CNTN1: variants seen among roughly 807,000 people sequenced by gnomAD.
CNTN1 encodes contactin-1.
A neutral mutation model predicts 126.4 loss-of-function variants in CNTN1; 38 were observed. The observed-to-expected ratio is 0.30, with a 90% CI of 0.23 to 0.39. CNTN1 has a LOEUF of 0.39. Ranked by LOEUF, CNTN1 falls within the 10% of genes least tolerant of loss-of-function variation. CNTN1 has a pLI of 1.00. For missense variants in CNTN1, 1,009 were observed against 1,248.4 expected (o/e 0.81, Z 2.89); for synonymous variants, 413 against 422.6 (o/e 0.98, Z 0.28).
At chr12:40,996,233 G>C (rs910856472) in intron 17 of CNTN1, among the ~76,000 whole-genome samples, 2 of 151,682 alleles carry the variant, frequency 1.3e-5, no homozygotes, top group South Asian at 4.2e-4. Context: ...CAGGTCTCAA[G>C]CTACCCTACT....
At chr12:40,741,362 G>A (rs1470351186) in intron 1 of CNTN1, among the ~76,000 whole-genome samples, 1 of 151,892 alleles carries the variant, frequency 6.6e-6, no homozygotes, top group African/African-American at 2.4e-5. Flanking sequence ...TTACAATGGT[G>A]GTTCCAAGAA....
intron 1 of CNTN1, among the ~76,000 whole-genome samples, chr12:40,698,262 G>T (rs10879019): frequency 7.9e-6 from 1 of 127,156 alleles, no homozygotes; most frequent in Non-Finnish European, 1.6e-5. Flanking sequence ...TTTTTACGGA[G>T]TCTCGCTCTG....
At chr12:40,766,095 C>G (rs777651777) in intron 1 of CNTN1, among the ~76,000 whole-genome samples, 1 of 152,076 alleles carries the variant, frequency 6.6e-6, no homozygotes, top group Non-Finnish European at 1.5e-5. Context: ...CGGTGGCTCA[C>G]GCCTGTAGTC....
chr12:40,700,400 C>T (rs1941564975), intron 1 of CNTN1, among the ~76,000 whole-genome samples: 2 of 151,972 alleles, frequency 1.3e-5, no homozygotes, highest in African/African-American at 4.8e-5. Context: ...GTGGCACATG[C>T]CTATAATCCC....
chr12:40,717,128 A>G (rs978057031), intron 1 of CNTN1, among the ~76,000 whole-genome samples: 7 of 152,178 alleles, frequency 4.6e-5, no homozygotes, highest in Non-Finnish European at 1.0e-4. Flanking sequence ...TAACTTGCAC[A>G]TAGTCATTGA....
At chr12:40,730,595 A>T (rs1011683426) in intron 1 of CNTN1, among the ~76,000 whole-genome samples, 1 of 152,154 alleles carries the variant, frequency 6.6e-6, no homozygotes, top group African/African-American at 2.4e-5. Context: ...TCCAAATAGG[A>T]ATGTATCCAA....
chr12:40,818,203 A>G (rs575151164), intron 1 of CNTN1, among the ~76,000 whole-genome samples: 1 of 152,108 alleles, frequency 6.6e-6, no homozygotes, highest in Admixed American at 6.6e-5. Context: ...CTGAATTTGC[A>G]TGTTGGACTG....
rs1947531793 is a variant in CNTN1 at position 40,972,044 on chromosome 12, C to A, written c.1805-8865C>A. On this transcript the variant is annotated intron_variant, in intron 15 of 23. Transcript: ENST00000551295. Reference sequence around the variant, plus strand: ...TTCTTTGGCATGAAAGAATGAAAAGCATTAGTAAACAACTGAAGTCCTACC... The same window carrying A: ...TTCTTTGGCATGAAAGAATGAAAAGAATTAGTAAACAACTGAAGTCCTACC... The A allele has an allele frequency of 1.2e-5, 12 of 985,938 alleles. No individual in the cohort carries two copies. In the Admixed American group the frequency reaches 1.8e-4, roughly 15 times the overall value. The allele number at this position is 985,938 out of a possible 1,614,324, so 61.1% of individuals were successfully genotyped here. A position where few individuals can be genotyped will look rare whatever the true frequency, so the allele number is the denominator to read the frequency against.
At chr12:40,724,023 CATT>C (rs1454391775) in intron 1 of CNTN1, among the ~76,000 whole-genome samples, 1 of 152,040 alleles carries the variant, frequency 6.6e-6, no homozygotes, top group East Asian at 1.9e-4. Context: ...AGACTGGATT[CATT>C]ATTATATATT....
intron 23 of CNTN1, among the ~76,000 whole-genome samples, chr12:41,035,860 A>T (rs1460457763): frequency 6.6e-6 from 1 of 152,308 alleles, no homozygotes; most frequent in Non-Finnish European, 1.5e-5. Flanking sequence ...AGTTATGAAC[A>T]GCCTGGCATT....
intron 19 of CNTN1, among the ~76,000 whole-genome samples, chr12:41,020,092 A>G (rs543362907): frequency 4.6e-5 from 7 of 152,082 alleles, no homozygotes; most frequent in Non-Finnish European, 1.0e-4. Context: ...ATATGTCTAT[A>G]TTAACATTTA....
At chr12:40,930,766 G>A (rs953398652) in intron 7 of CNTN1, among the ~76,000 whole-genome samples, 1 of 151,910 alleles carries the variant, frequency 6.6e-6, no homozygotes, top group African/African-American at 2.4e-5. Context: ...GTGTGATGAT[G>A]GGAAAAATGC....
At chr12:40,886,627 C>A (rs1008181199) in intron 1 of CNTN1, among the ~76,000 whole-genome samples, 11 of 152,288 alleles carry the variant, frequency 7.2e-5, no homozygotes, top group Non-Finnish European at 4.4e-5. Context: ...GTGTTTTAGA[C>A]ATGAAGTCAT....
chr12:40,977,289 G>A (rs80269994), intron 15 of CNTN1, among the ~76,000 whole-genome samples: 2,678 of 152,180 alleles, frequency 0.018, 29 homozygotes, highest in South Asian at 0.033. Flanking sequence ...GTTTTCTCCC[G>A]CAGATGAAGC....
intron 23 of CNTN1, among the ~76,000 whole-genome samples, chr12:41,031,210 C>T (rs1949139373): frequency 6.6e-6 from 1 of 152,136 alleles, no homozygotes; most frequent in African/African-American, 2.4e-5. Flanking sequence ...AAATGTTAAA[C>T]AGTAGAATCA....
At chr12:40,854,448 T>G (rs1040403511) in intron 1 of CNTN1, among the ~76,000 whole-genome samples, 1 of 152,124 alleles carries the variant, frequency 6.6e-6, no homozygotes, top group African/African-American at 2.4e-5. Flanking sequence ...TATTTCTAGA[T>G]TTAAAAGTTT....
intron 1 of CNTN1, among the ~76,000 whole-genome samples, chr12:40,722,590 C>T (rs1233555596): frequency 1.3e-5 from 2 of 151,758 alleles, no homozygotes; most frequent in Non-Finnish European, 2.9e-5. Flanking sequence ...AACAGTTGGC[C>T]GATATATACA....
At chr12:40,891,536 G>C (rs978263832) in intron 1 of CNTN1, among the ~76,000 whole-genome samples, 18 of 152,068 alleles carry the variant, frequency 1.2e-4, no homozygotes, top group Non-Finnish European at 1.2e-4. Flanking sequence ...TTAGGTCCCT[G>C]ACTCATTTTG....
chr12:40,850,473 T>G (rs1029046262), intron 1 of CNTN1, among the ~76,000 whole-genome samples: 3 of 152,134 alleles, frequency 2.0e-5, no homozygotes, highest in African/African-American at 7.2e-5. Flanking sequence ...GAAAGCTCTA[T>G]TCCTTTATAT....
Sources: allele counts gnomAD v4.1 joint callset (sites outside exome capture counted in the v4.1 genomes callset), GRCh38; gene constraint gnomAD v4.1.1; transcripts MANE v1.5; gene names NCBI Gene and HGNC (gene_info 2026-07-23, HGNC 2026-07-21).